ESRRG: variants seen among roughly 807,000 people sequenced by gnomAD.
The protein encoded by ESRRG is estrogen-related receptor gamma.
ESRRG carries 13 observed loss-of-function variants against 44.0 expected under a neutral mutation model. That is an observed-to-expected ratio of 0.30 (90% CI 0.19 to 0.47). The LOEUF is 0.47. Ranked by LOEUF, ESRRG falls within the 20% of genes least tolerant of loss-of-function variation. The pLI, the probability that ESRRG is intolerant of heterozygous loss-of-function variation, is 1.00. For synonymous variants in ESRRG, 215 were observed against 214.6 expected (o/e 1.00, Z -0.02); for missense variants, 395 against 580.6 (o/e 0.68, Z 3.29).
chr1:216,607,406 T>TC (rs35277705), intron 3 of ESRRG, among the ~76,000 whole-genome samples: 30,236 of 152,138 alleles, frequency 0.2, 3,831 homozygotes, highest in Non-Finnish European at 0.29. Flanking sequence ...GTAAATGAGA[T>TC]CAGGGTGAGC....
chr1:216,625,423 CAAAA>C (rs57817803), intron 3 of ESRRG, among the ~76,000 whole-genome samples: 2 of 115,694 alleles, frequency 1.7e-5, no homozygotes, highest in East Asian at 2.8e-4. Flanking sequence ...GCTCATTTGG[CAAAA>C]AAAAAAAAAA....
At chr1:216,879,366 T>A (rs1340840659) in intron 2 of ESRRG, among the ~76,000 whole-genome samples, 2 of 151,902 alleles carry the variant, frequency 1.3e-5, no homozygotes, top group Non-Finnish European at 2.9e-5. Context: ...AGTCTCTGAT[T>A]ACTGATATTA....
chr1:216,786,034 C>T (rs571536819), intron 2 of ESRRG, among the ~76,000 whole-genome samples: 8 of 152,180 alleles, frequency 5.3e-5, no homozygotes, highest in African/African-American at 1.9e-4. Context: ...CAGAACATGT[C>T]TATCCGCTGC....
At chr1:216,891,212 G>T (rs2149400623) in intron 2 of ESRRG, among the ~76,000 whole-genome samples, 1 of 152,280 alleles carries the variant, frequency 6.6e-6, no homozygotes, top group East Asian at 1.9e-4. Flanking sequence ...TTTATAAAAT[G>T]CTCCACTGTT....
chr1:216,969,699 C>T (rs988046004), intron 1 of ESRRG, among the ~76,000 whole-genome samples: 2 of 152,144 alleles, frequency 1.3e-5, no homozygotes, highest in Admixed American at 1.3e-4. Flanking sequence ...AACTCTCCTG[C>T]CTCAGCCTTC....
At chr1:216,757,480 ATT>A (rs11572639) in intron 2 of ESRRG, among the ~76,000 whole-genome samples, 1 of 151,244 alleles carries the variant, frequency 6.6e-6, no homozygotes, top group Non-Finnish European at 1.5e-5. Context: ...GCCTTTGACA[ATT>A]TTTTTTTGGC....
rs140253061 is a variant in ESRRG, at chr1:216,658,514, G to T, written c.473-7425C>A. Among the ~76,000 whole-genome samples the T allele has an allele frequency of 3.4e-4, 51 of 152,032 alleles. No homozygotes were observed. In the East Asian group the frequency reaches 5.6e-3, roughly 17 times the overall value. ...GAAAAATGTCTGAGGAGGAATGTGT[G>T]ATAGGAGGGGAGGAGAAAAGAAAGA... On this transcript the variant is annotated intron_variant, in intron 2 of 6. Coordinates refer to ENST00000408911, the MANE Select transcript of ESRRG (RefSeq NM_001438.4).
At chr1:216,890,930 C>A (rs1345036003) in intron 2 of ESRRG, among the ~76,000 whole-genome samples, 3 of 152,124 alleles carry the variant, frequency 2.0e-5, no homozygotes, top group South Asian at 4.1e-4. Context: ...CCACCCAACT[C>A]CTGAACCTTC....
At chr1:217,040,050 T>C (rs1024935688) in intron 1 of ESRRG, among the ~76,000 whole-genome samples, 1 of 151,654 alleles carries the variant, frequency 6.6e-6, no homozygotes, top group African/African-American at 2.4e-5. Context: ...AGACAGAGAG[T>C]GTGTGTAAGG....
chr1:216,565,638 T>C (rs2059554297), intron 4 of ESRRG, among the ~76,000 whole-genome samples: 1 of 152,194 alleles, frequency 6.6e-6, no homozygotes, highest in Non-Finnish European at 1.5e-5. Flanking sequence ...CATTTATGAA[T>C]ATGGCTCCCA....
Position 216,506,900 on chromosome 1 carries a change from T to C in ESRRG, c.*39A>G. On this transcript the variant is annotated 3_prime_UTR_variant, in exon 7 of 7. Transcript: ENST00000408911. The stretch of plus-strand genomic sequence containing the variant: ...ATCACTCTTGGGTTTATTTTCCCTT[T>C]TTCAACATGAAGGATGGGAAGGCCC... 6.3e-7 allele frequency: 1 copy of C among 1,584,644 alleles called. No individual in the cohort carries two copies. The highest frequency in any genetic ancestry group is 2.2e-5 in the East Asian group (1 of 44,708).
chr1:217,025,677 C>T (rs2081072446), intron 1 of ESRRG, among the ~76,000 whole-genome samples: 2 of 152,156 alleles, frequency 1.3e-5, no homozygotes, highest in South Asian at 4.1e-4. Flanking sequence ...CTTATGGGTC[C>T]AAACACAGCC....
intron 1 of ESRRG, among the ~76,000 whole-genome samples, chr1:217,001,569 C>T (rs781600463): frequency 6.6e-6 from 1 of 152,070 alleles, no homozygotes; most frequent in African/African-American, 2.4e-5. Context: ...TTACAAAAGG[C>T]GTTGATCATG....
chr1:216,643,023 G>T (rs1453265270), intron 3 of ESRRG, among the ~76,000 whole-genome samples: 1 of 152,144 alleles, frequency 6.6e-6, no homozygotes, highest in Non-Finnish European at 1.5e-5. Flanking sequence ...AGGGTAATTA[G>T]ACAAGTAAGT....
intron 3 of ESRRG, among the ~76,000 whole-genome samples, chr1:216,636,781 T>C (rs2065386339): frequency 6.6e-6 from 1 of 152,204 alleles, no homozygotes; most frequent in African/African-American, 2.4e-5. Flanking sequence ...TTGTAAAAGC[T>C]GGGGGATTTT....
At chr1:216,723,475 T>C (rs1575773767), upstream of ESRRG, 2 of 620,216 alleles carry the variant, frequency 3.2e-6, no homozygotes, top group East Asian at 5.5e-5. Flanking sequence ...TGGAGCTTAT[T>C]AATATGAAGT....
chr1:216,523,544 G>A (rs2046758332), intron 5 of ESRRG, among the ~76,000 whole-genome samples: 1 of 146,188 alleles, frequency 6.8e-6, no homozygotes, highest in African/African-American at 2.5e-5. Context: ...GCACTTTGCA[G>A]TCAACTTACA....
At chr1:216,891,300 G>A (rs2149401395) in intron 2 of ESRRG, among the ~76,000 whole-genome samples, 1 of 152,252 alleles carries the variant, frequency 6.6e-6, no homozygotes, top group Non-Finnish European at 1.5e-5. Context: ...TGGAGTTTTA[G>A]TAAAACGGTG....
intron 3 of ESRRG, among the ~76,000 whole-genome samples, chr1:216,578,840 T>A (rs1476954482): frequency 2.6e-5 from 4 of 152,124 alleles, no homozygotes; most frequent in African/African-American, 9.7e-5. Context: ...TATCCACAGT[T>A]GCCTGTAGCC....
Sources: allele counts gnomAD v4.1 joint callset (sites outside exome capture counted in the v4.1 genomes callset), GRCh38; gene constraint gnomAD v4.1.1; transcripts MANE v1.5; gene names NCBI Gene and HGNC (gene_info 2026-07-23, HGNC 2026-07-21).